Variants in C2orf68 observed in about 807,000 individuals in gnomAD.
C2orf68 encodes the protein UPF0561 protein C2orf68.
In C2orf68, 15 loss-of-function variants were observed where a neutral mutation model predicts 19.1. The ratio of observed to expected loss-of-function variants is 0.79; its 90% CI spans 0.53 to 1.21. The LOEUF is 1.21. C2orf68 is among the 50% of genes most tolerant of loss of function. The pLI, the probability that C2orf68 is intolerant of heterozygous loss-of-function variation, is 0.00. For missense variants in C2orf68, 242 were observed against 226.6 expected, an observed-to-expected ratio of 1.07 and a Z score of -0.44; for synonymous variants, 98 against 91.0, an observed-to-expected ratio of 1.08 and a Z score of -0.44.
chr2:85,611,432 ACTT>A, intron 2 of C2orf68: 1 of 1,522,150 alleles, frequency 6.6e-7, no homozygotes, highest in East Asian at 2.5e-5. Flanking sequence ...CGGCAGATAA[ACTT>A]CTTGCTGGCT....
intron 2 of C2orf68, chr2:85,611,120 G>C: frequency 2.7e-6 from 1 of 364,086 alleles, no homozygotes; most frequent in Non-Finnish European, 4.1e-6. Flanking sequence ...CACGCCTGTG[G>C]TCCCAGGTAC....
intron 2 of C2orf68, chr2:85,611,407 C>T: frequency 6.7e-7 from 1 of 1,498,428 alleles, no homozygotes; most frequent in South Asian, 1.4e-5. Context: ...TAAAATACAG[C>T]ACGGTGGGGC....
rs1673328779 is a variant in C2orf68 at position 85,608,998 on chromosome 2, C to T, written c.448G>A (p.Ala150Thr). Residue 150 changes from alanine to threonine, a missense_variant, in exon 4 of 4, where the codon GCC becomes ACC. Physicochemically the swap from Ala to Thr is moderately conservative, Grantham distance 58. Coordinates refer to ENST00000306336, the MANE Select transcript of C2orf68 (RefSeq NM_001013649.4). Reference protein sequence around the residue: ...HTPLDPPMREALKLRIQEEIA... With the variant: ...HTPLDPPMRETLKLRIQEEIA... ...TCCTCCTGGATACGCAACTTGAGGG[C>T]TTCTCGCATGGGTGGATCCAGAGGC... 1 of 1,614,238 alleles carries T rather than the reference C, an allele frequency of 6.2e-7. No homozygotes were observed. The highest frequency in any genetic ancestry group is 8.5e-7 in the Non-Finnish European group (1 of 1,180,058).
At position 85,611,783 on chromosome 2, in the gene C2orf68, G is replaced by A; in HGVS notation, c.111C>T (p.Asp37=). 1 of 1,611,722 alleles carries A rather than the reference G, an allele frequency of 6.2e-7. No homozygotes were observed. The highest frequency in any genetic ancestry group is 8.5e-7 in the Non-Finnish European group (1 of 1,179,534). The change falls in exon 2 of 4, where the codon GAC becomes GAT. Residue 37 remains aspartate (D), a synonymous_variant. Transcript: ENST00000306336. The part of the protein sequence containing the change: ...HHIRRNQIAR[D]DYDKKVKQAA... The stretch of plus-strand genomic sequence containing the variant: ...CCTGCTTCACCTTCTTGTCATAGTC[G>A]TCCCTGCGGGGAGCCGAGCGGGAGT...
Position 85,608,805 on chromosome 2 carries a change from C to CT in C2orf68, c.*139_*140insA. On this transcript the variant is annotated 3_prime_UTR_variant, in exon 4 of 4. Transcript: ENST00000306336. ...GACTGCAAGGCAGGCCAGGTGTAGT[C>CT]CTGCAACACCCTATGGATGCAGCAG... 5.3e-6 allele frequency: 6 copies of CT among 1,130,426 alleles called. No homozygotes were observed. Among genetic ancestry groups the CT allele is most frequent in the Admixed American group, 2.3e-5 (1 of 43,768 alleles). The allele number at this position is 1,130,426 out of a possible 1,614,324, so 70.0% of individuals were successfully genotyped here.
intron 2 of C2orf68, chr2:85,610,360 T>C (rs1387309332): frequency 4.6e-5 from 7 of 152,184 alleles, no homozygotes; most frequent in African/African-American, 1.7e-4. Flanking sequence ...TTATTTACCT[T>C]TGCATCCCTG....
chr2:85,606,667 A>C lies in C2orf68; in HGVS notation c.*2278T>G, dbSNP rs1487498697. On this transcript the variant is annotated 3_prime_UTR_variant, in exon 4 of 4. Transcript: ENST00000306336. Reference sequence around the variant, plus strand: ...TGAAAAGCAAAATTCCTCAAGAAAAAAAGTTTAATAGCAAGGAGTTTCCAT... The same window carrying C: ...TGAAAAGCAAAATTCCTCAAGAAAACAAGTTTAATAGCAAGGAGTTTCCAT... The C allele has an allele frequency of 6.6e-6, 1 of 152,256 alleles. No homozygotes were observed. Among genetic ancestry groups the C allele is most frequent in the Admixed American group, 6.5e-5 (1 of 15,288 alleles). The allele number at this position is 152,256 out of a possible 1,614,324, so 9.4% of individuals were successfully genotyped here.
Position 85,611,803 on chromosome 2 carries a change from G to A in C2orf68, c.108-17C>T. ...TAGTCGTCCCTGCGGGGAGCCGAGC[G>A]GGAGTCAGGGACTGTCGGGCCGGGC... On this transcript the variant is annotated splice_polypyrimidine_tract_variant and intron_variant, in intron 1 of 3. Transcript: ENST00000306336. The A allele has an allele frequency of 1.9e-6, 3 of 1,610,008 alleles. No individual in the cohort carries two copies. Among genetic ancestry groups the A allele is most frequent in the South Asian group, 1.1e-5 (1 of 91,000 alleles).
rs1216454686 is a variant in C2orf68 at position 85,609,596 on chromosome 2, TGAACCACAGTAAGAAA to T, written c.227-26_227-11del. On this transcript the variant is annotated splice_polypyrimidine_tract_variant and intron_variant, in intron 2 of 3. Transcript: ENST00000306336. ...GGGTGGGCAGAGACATCTGGAAGGA[TGAACCACAGTAAGAAA>T]GAAGAGGGGGGGTGCTGCTGAAGGC... 2 of 1,613,846 alleles carry T rather than the reference TGAACCACAGTAAGAAA, an allele frequency of 1.2e-6. No individual in the cohort carries two copies. The highest frequency in any genetic ancestry group is 1.7e-5 in the Admixed American group (1 of 60,002).
intron 1 of C2orf68, 35 bp downstream of exon 1, chr2:85,611,843 A>G: frequency 6.2e-7 from 1 of 1,601,516 alleles, no homozygotes; most frequent in South Asian, 1.1e-5. Context: ...CCAGGCCAGG[A>G]GTGGTGGCGG....
In C2orf68 at chr2:85,608,444, G is replaced by A. The variant is rs748636906; in HGVS notation, c.*501C>T. On this transcript the variant is annotated 3_prime_UTR_variant, in exon 4 of 4. Transcript: ENST00000306336. The stretch of plus-strand genomic sequence containing the variant: ...CATTTGGAGGGGGAGGAAAACTGAT[G>A]GATTCTACCTGAGGCAAAAAGATGA... 1.1e-3 allele frequency: 163 copies of A among 152,146 alleles called. No homozygotes were observed. The highest frequency in any genetic ancestry group is 2.1e-3 in the Non-Finnish European group (141 of 68,168). 9.4% of individuals were successfully genotyped at this position (152,146 alleles called of 1,614,324 possible). A position where few individuals can be genotyped will look rare whatever the true frequency, so the allele number is the denominator to read the frequency against.
rs377491416 is a variant in C2orf68 at position 85,608,979 on chromosome 2, T to C, written c.467A>G (p.Gln156Arg). 2 of 1,614,140 alleles carry C rather than the reference T, an allele frequency of 1.2e-6. No individual in the cohort carries two copies. Among genetic ancestry groups the C allele is most frequent in the African/African-American group, 1.3e-5 (1 of 74,944 alleles). ...PMREALKLRIQEEIAKRQSQH is the reference protein window; with the variant it reads ...PMREALKLRIREEIAKRQSQH Reference sequence around the variant, plus strand: ...GCTCTGGCGCTTTGCAATCTCCTCCTGGATACGCAACTTGAGGGCTTCTCG... The same window carrying C: ...GCTCTGGCGCTTTGCAATCTCCTCCCGGATACGCAACTTGAGGGCTTCTCG... Residue 156 changes from glutamine (Q) to arginine (R), a missense_variant, in exon 4 of 4, where the codon CAG becomes CGG. Transcript: ENST00000306336.
rs1285707220 is a variant in C2orf68 at position 85,611,992 on chromosome 2, C to G, written c.-8G>C. ...ATGCGGCCCCGCCTCCATCAGGAGC[C>G]GGGGACGCAGAGTCGCCGCCGCCTC... On this transcript the variant is annotated 5_prime_UTR_variant, in exon 1 of 4. Coordinates refer to ENST00000306336, the MANE Select transcript of C2orf68 (RefSeq NM_001013649.4). 3 of 1,520,354 alleles carry G rather than the reference C, an allele frequency of 2.0e-6. No homozygotes were observed. The highest frequency in any genetic ancestry group is 2.6e-6 in the Non-Finnish European group (3 of 1,145,642). The allele number at this position is 1,520,354 out of a possible 1,614,324, so 94.2% of individuals were successfully genotyped here.
Position 85,609,945 on chromosome 2 carries a change from T to C in C2orf68, c.227-359A>G, listed in dbSNP as rs181752272. ...ATCCACCCACCTTGGCCTCCCAAAG[T>C]GCTGGGATTACAGGCGTGAGCCACT... On this transcript the variant is annotated intron_variant, in intron 2 of 3. Coordinates refer to ENST00000306336, the MANE Select transcript of C2orf68 (RefSeq NM_001013649.4). 1.0e-2 allele frequency among the ~76,000 whole-genome samples: 1,513 copies of C among 151,612 alleles called. 25 individuals are homozygous for C. Among genetic ancestry groups the C allele is most frequent in the African/African-American group, 0.035 (1,437 of 41,272 alleles).
Position 85,611,946 on chromosome 2 carries a change from G to A in C2orf68, c.39C>T (p.Cys13=), listed in dbSNP as rs764065300. 8.9e-6 allele frequency: 14 copies of A among 1,579,106 alleles called. No homozygotes were observed. The Middle Eastern group carries it at 1.0e-3, about 114-fold the overall frequency. Residue 13 remains cysteine (C), a synonymous_variant, in exon 1 of 4, where the codon TGC becomes TGT. Transcript: ENST00000306336. ...TCATGTCCAGCCGCCCCCCAGGCTT[G>A]CAGCAGTGCCCCGGCCGGGGATGCG... The part of the protein sequence containing the change: ...AGPHPRPGHC[C]KPGGRLDMNH...
chr2:85,608,938 A>C lies in C2orf68; in HGVS notation c.*7T>G. The C allele has an allele frequency of 6.2e-7, 1 of 1,614,102 alleles. No individual in the cohort carries two copies. Among genetic ancestry groups the C allele is most frequent in the Non-Finnish European group, 8.5e-7 (1 of 1,179,962 alleles). Reference sequence around the variant, plus strand: ...AATCCAGCCTGGAGAGAACGCCTTCAACATGGTCAGTGTTGGCTCTGGCGC... The same window carrying C: ...AATCCAGCCTGGAGAGAACGCCTTCCACATGGTCAGTGTTGGCTCTGGCGC... On this transcript the variant is annotated 3_prime_UTR_variant, in exon 4 of 4. Transcript: ENST00000306336.
At position 85,611,964 on chromosome 2, in the gene C2orf68, G is replaced by A; in HGVS notation, c.21C>T (p.Pro7=). MEAGPH[P]RPGHCCKPGG... is the part of the protein sequence containing the mutation. ...CAGGCTTGCAGCAGTGCCCCGGCCG[G>A]GGATGCGGCCCCGCCTCCATCAGGA... Residue 7 remains proline, a synonymous_variant, in exon 1 of 4, where the codon CCC becomes CCT. Coordinates refer to ENST00000306336, the MANE Select transcript of C2orf68 (RefSeq NM_001013649.4). 6.5e-7 allele frequency: 1 copy of A among 1,545,288 alleles called. No individual in the cohort carries two copies. The highest frequency in any genetic ancestry group is 1.2e-5 in the South Asian group (1 of 84,588).
In C2orf68 at chr2:85,612,010, GC is replaced by G. The variant is rs1673582393; in HGVS notation, c.-27del. On this transcript the variant is annotated 5_prime_UTR_variant, in exon 1 of 4. Transcript: ENST00000306336. ...CAGGAGCCGGGGACGCAGAGTCGCC[GC>G]CGCCTCGACGGCCCCAACAACAGCC... The G allele has an allele frequency of 6.8e-7, 1 of 1,467,966 alleles. No individual in the cohort carries two copies. 90.9% of individuals were successfully genotyped at this position (1,467,966 alleles called of 1,614,324 possible).
intron 2 of C2orf68, 33 bp downstream of exon 2, chr2:85,611,635 C>CG: frequency 6.4e-7 from 1 of 1,564,608 alleles, no homozygotes. Context: ...GAAGAGCGCG[C>CG]GGGCTGGAGG....
Sources: gnomAD v4.1 joint callset for allele counts (sites outside exome capture counted in the v4.1 genomes callset) on GRCh38, gnomAD v4.1.1 for gene constraint, MANE v1.5 for transcripts, NCBI Gene and HGNC (gene_info 2026-07-23, HGNC 2026-07-21) for gene names.